DCAF13: variants seen among roughly 807,000 people sequenced by gnomAD.
DCAF13 encodes DDB1- and CUL4-associated factor 13.
In DCAF13, 38 loss-of-function variants were observed where a neutral mutation model predicts 59.0. The observed-to-expected ratio is 0.64, with a 90% confidence interval of 0.50 to 0.84. DCAF13 has a LOEUF of 0.84. Ranked by LOEUF, DCAF13 falls within the 40% of genes least tolerant of loss-of-function variation. The pLI is 0.00. For missense variants in DCAF13, 469 were observed against 558.4 expected (o/e 0.84, Z 1.61); for synonymous variants, 173 against 175.0 (o/e 0.99, Z 0.09).
chr8:103,416,307 C>T (rs1816612013), intron 1 of DCAF13, among the ~76,000 whole-genome samples: 1 of 152,210 alleles, frequency 6.6e-6, no homozygotes, highest in Non-Finnish European at 1.5e-5. Context: ...GCTAATAAGT[C>T]TCTGCTCAAA....
intron 3 of DCAF13, 86 bp from the exon 4 acceptor site, chr8:103,425,970 C>T (rs2130482621): frequency 1.1e-6 from 1 of 889,022 alleles, no homozygotes; most frequent in South Asian, 1.3e-5. Context: ...CTGTTTTAAA[C>T]AAGATACTTA....
intron 7 of DCAF13, among the ~76,000 whole-genome samples, chr8:103,434,909 T>A (rs988646626): frequency 6.6e-6 from 1 of 152,090 alleles, no homozygotes; most frequent in Non-Finnish European, 1.5e-5. Flanking sequence ...AGTAGGAGTA[T>A]AAATTAGTGC....
At chr8:103,441,764 A>G in intron 10 of DCAF13, 146 bp downstream of exon 10, 2 of 766,300 alleles carry the variant, frequency 2.6e-6, no homozygotes, top group Admixed American at 6.7e-5. Context: ...ACTTCTACAG[A>G]AGGCCTTTTC....
At chr8:103,429,942 G>A (rs1240178836) in intron 5 of DCAF13, 2 of 152,006 alleles carry the variant, frequency 1.3e-5, no homozygotes, top group Non-Finnish European at 2.9e-5. Context: ...TTATCCTAAG[G>A]AAATAATTCA....
At chr8:103,419,413 G>A (rs556526732) in intron 1 of DCAF13, among the ~76,000 whole-genome samples, 145 of 152,288 alleles carry the variant, frequency 9.5e-4, no homozygotes, top group African/African-American at 2.7e-3. Flanking sequence ...TTGGAACAGC[G>A]CCTGGCACTT....
rs1816890236 is a variant in DCAF13, at chr8:103,433,306, A to G, written c.785+565A>G. Among the ~76,000 whole-genome samples, 2 of 152,176 alleles carry G rather than the reference A, an allele frequency of 1.3e-5. 1 individual carries two copies. Among genetic ancestry groups the G allele is most frequent in the Admixed American group, 1.3e-4 (2 of 15,280 alleles). ...TGTTATCAGCTATCACTGTTCAGTCAGATGGAAGAAAAATTATAGTTATCT... is the reference window on the plus strand; with the variant it reads ...TGTTATCAGCTATCACTGTTCAGTCGGATGGAAGAAAAATTATAGTTATCT... On this transcript the variant is annotated intron_variant, in intron 7 of 10. Coordinates refer to ENST00000612750, the MANE Select transcript of DCAF13 (RefSeq NM_015420.7).
intron 5 of DCAF13, chr8:103,427,570 A>G (rs748736027): frequency 3.1e-6 from 1 of 324,434 alleles, no homozygotes; most frequent in Non-Finnish European, 5.6e-6. Context: ...TGTTCCATAG[A>G]TTATGTCATT....
intron 3 of DCAF13, among the ~76,000 whole-genome samples, chr8:103,423,535 T>A (rs1816751232): frequency 6.6e-6 from 1 of 152,126 alleles, no homozygotes; most frequent in Admixed American, 6.5e-5. Context: ...CTAGGGGCTT[T>A]GAGGGAGGGA....
intron 3 of DCAF13, among the ~76,000 whole-genome samples, chr8:103,422,718 C>T (rs1203047576): frequency 2.0e-5 from 3 of 152,146 alleles, no homozygotes; most frequent in Non-Finnish European, 4.4e-5. Flanking sequence ...TTTTTGTATA[C>T]ACATGCGCTA....
rs534916686 is a variant in DCAF13 at position 103,443,160 on chromosome 8, T to A, written c.*278T>A. The A allele has an allele frequency of 7.5e-5, 18 of 239,462 alleles. No homozygotes were observed. In the South Asian group the frequency reaches 1.3e-3, roughly 17 times the overall value. The allele number at this position is 239,462 out of a possible 1,614,324, so 14.8% of individuals were successfully genotyped here. A position where few individuals can be genotyped will look rare whatever the true frequency, so the allele number is the denominator to read the frequency against. On this transcript the variant is annotated 3_prime_UTR_variant, in exon 11 of 11. Coordinates refer to ENST00000612750, the MANE Select transcript of DCAF13 (RefSeq NM_015420.7). Reference sequence around the variant, plus strand: ...ATTACAGATATACTTACTTTCTCTTTGATCTATTATTGTAGACACTATACA... The same window carrying A: ...ATTACAGATATACTTACTTTCTCTTAGATCTATTATTGTAGACACTATACA...
At chr8:103,419,107 A>G (rs1816685056) in intron 1 of DCAF13, among the ~76,000 whole-genome samples, 1 of 151,292 alleles carries the variant, frequency 6.6e-6, no homozygotes, top group African/African-American at 2.4e-5. Flanking sequence ...GATGGTCTCG[A>G]TCTCCTGACC....
Position 103,441,495 on chromosome 8 carries a change from A to T in DCAF13, c.1127A>T (p.Lys376Ile). 1 of 1,597,732 alleles carries T rather than the reference A, an allele frequency of 6.3e-7. No homozygotes were observed. Among genetic ancestry groups the T allele is most frequent in the African/African-American group, 1.4e-5 (1 of 73,774 alleles). The part of the protein sequence containing the change: ...REKAAKDYNQ[K>I]LKEKFQHYPH... ...AAAGCAGCCAAGGATTATAACCAGA[A>T]ATTGAAGGAGAAATTTCAGCATTAT... Residue 376 changes from lysine (K) to isoleucine (I), a missense_variant, in exon 10 of 11, where the codon AAA becomes ATA. By Grantham distance (102) the Lys-to-Ile change is moderately radical. Transcript: ENST00000612750.
At chr8:103,421,510 C>G (rs948471027) in intron 3 of DCAF13, among the ~76,000 whole-genome samples, 3 of 152,216 alleles carry the variant, frequency 2.0e-5, no homozygotes, top group African/African-American at 4.8e-5. Flanking sequence ...ATTCACATCA[C>G]TGTGCAACCA....
At chr8:103,438,960 G>C (rs916036442) in intron 8 of DCAF13, among the ~76,000 whole-genome samples, 12 of 152,118 alleles carry the variant, frequency 7.9e-5, no homozygotes, top group African/African-American at 2.9e-4. Flanking sequence ...ATATTTCACA[G>C]CCTTTCCAAA....
chr8:103,437,569 T>C (rs1816948998), intron 8 of DCAF13, among the ~76,000 whole-genome samples: 1 of 152,156 alleles, frequency 6.6e-6, no homozygotes, highest in African/African-American at 2.4e-5. Context: ...GGTTTTGTAA[T>C]CACAGTCTTA....
intron 7 of DCAF13, among the ~76,000 whole-genome samples, chr8:103,433,553 T>C (rs1816894037): frequency 6.6e-6 from 1 of 152,132 alleles, no homozygotes; most frequent in African/African-American, 2.4e-5. Flanking sequence ...TATTGTTTTA[T>C]GTTCCACTAT....
At chr8:103,431,054 C>T (rs1816857573) in intron 6 of DCAF13, among the ~76,000 whole-genome samples, 2 of 152,142 alleles carry the variant, frequency 1.3e-5, no homozygotes, top group Admixed American at 1.3e-4. Context: ...CCATGATTAT[C>T]GTATGACATG....
At chr8:103,434,122 T>C (rs955744720) in intron 7 of DCAF13, among the ~76,000 whole-genome samples, 1 of 152,082 alleles carries the variant, frequency 6.6e-6, no homozygotes, top group Non-Finnish European at 1.5e-5. Flanking sequence ...TTTGTATCCC[T>C]TTTCTATATT....
At chr8:103,426,017 T>A in intron 3 of DCAF13, 39 bp from the exon 4 acceptor site, 1 of 1,400,446 alleles carries the variant, frequency 7.1e-7, no homozygotes, top group Non-Finnish European at 1.0e-6. Flanking sequence ...TTATAACTGT[T>A]GTTCCTTACC....
Sources: gnomAD v4.1 joint callset for allele counts (sites outside exome capture counted in the v4.1 genomes callset) on GRCh38, gnomAD v4.1.1 for gene constraint, MANE v1.5 for transcripts, NCBI Gene and HGNC (gene_info 2026-07-23, HGNC 2026-07-21) for gene names.